Variants in UGGT2 observed in about 807,000 individuals in gnomAD.
The protein encoded by UGGT2 is UDP-glucose:glycoprotein glucosyltransferase 2.
Under a neutral mutation model 192.1 loss-of-function variants are expected in UGGT2, and 180 were observed. That is an observed-to-expected ratio of 0.94 (90% CI 0.83 to 1.06). The LOEUF (loss-of-function observed/expected upper bound fraction) is 1.06. Ranked by LOEUF, UGGT2 falls within the 50% of genes least tolerant of loss-of-function variation. The pLI, the probability that UGGT2 is intolerant of heterozygous loss-of-function variation, is 0.00. For missense variants in UGGT2, 1,849 were observed against 1,795.7 expected, an observed-to-expected ratio of 1.03 and a Z score of -0.54; for synonymous variants, 580 against 591.0, an observed-to-expected ratio of 0.98 and a Z score of 0.27.
rs1229400170 is a variant in UGGT2 at position 95,948,010 on chromosome 13, G to A, written c.1527C>T (p.His509=). The change falls in exon 14 of 39, where the codon CAC becomes CAT. Residue 509 remains histidine, a synonymous_variant. Transcript: ENST00000376747. ...FIKLADVFYS[H]EVPLRIGFVF... is the part of the protein sequence containing the mutation. ...ATGACAATTACCTAAGAGGAACTTC[G>A]TGAGAATAGAAAACATCAGCAAGTT... 5.0e-6 allele frequency: 8 copies of A among 1,612,302 alleles called. No individual in the cohort carries two copies. Among genetic ancestry groups the A allele is most frequent in the South Asian group, 2.2e-5 (2 of 90,982 alleles).
At chr13:96,013,002 T>C (rs989535762) in intron 5 of UGGT2, among the ~76,000 whole-genome samples, 1 of 152,056 alleles carries the variant, frequency 6.6e-6, no homozygotes, top group South Asian at 2.1e-4. Context: ...ATTAGTATGT[T>C]GAGTAAATCA....
intron 5 of UGGT2, among the ~76,000 whole-genome samples, chr13:96,003,929 T>C (rs556462431): frequency 1.1e-4 from 16 of 152,332 alleles, no homozygotes; most frequent in African/African-American, 3.4e-4. Context: ...TAAATGTGCA[T>C]GGAGGAAAGA....
At chr13:95,877,562 C>T (rs1891825870) in intron 28 of UGGT2, 136 bp downstream of exon 28, 2 of 1,112,660 alleles carry the variant, frequency 1.8e-6, no homozygotes, top group South Asian at 2.0e-5. Context: ...TTTTATTTAT[C>T]TTATTCAAAG....
intron 29 of UGGT2, among the ~76,000 whole-genome samples, chr13:95,868,970 G>C (rs1053360488): frequency 4.0e-5 from 6 of 151,620 alleles, no homozygotes; most frequent in Admixed American, 2.6e-4. Context: ...GTGCCATGTT[G>C]GTGTGCTGCA....
intron 10 of UGGT2, chr13:95,983,490 GC>G: frequency 4.5e-6 from 2 of 443,790 alleles, no homozygotes; most frequent in South Asian, 3.5e-5. Flanking sequence ...GTCTTCACAA[GC>G]TTTTAAGCAA....
At chr13:95,894,755 A>T (rs1594254997) in intron 23 of UGGT2, 98 bp from the exon 24 acceptor site, 1 of 999,956 alleles carries the variant, frequency 1.0e-6, no homozygotes, top group East Asian at 2.5e-5. Flanking sequence ...ATATCTGAAC[A>T]TGGTTAAATC....
chr13:96,026,438 G>A (rs1427502371), intron 2 of UGGT2, among the ~76,000 whole-genome samples: 3 of 151,858 alleles, frequency 2.0e-5, no homozygotes, highest in African/African-American at 7.3e-5. Context: ...GTTTAATTTG[G>A]TGCCTCTTAT....
chr13:95,840,929 C>T (rs1887793425), intron 36 of UGGT2, among the ~76,000 whole-genome samples: 1 of 152,060 alleles, frequency 6.6e-6, no homozygotes, highest in African/African-American at 2.4e-5. Flanking sequence ...AAACCATCAT[C>T]CTCAACAAAT....
chr13:95,949,806 C>T (rs1566744629), intron 12 of UGGT2, among the ~76,000 whole-genome samples: 1 of 152,066 alleles, frequency 6.6e-6, no homozygotes, highest in Non-Finnish European at 1.5e-5. Flanking sequence ...CTCCACCTCC[C>T]CTCTCAATTT....
chr13:96,021,646 C>T (rs1327421775), intron 4 of UGGT2, among the ~76,000 whole-genome samples: 1 of 152,126 alleles, frequency 6.6e-6, no homozygotes, highest in Non-Finnish European at 1.5e-5. Flanking sequence ...GATAATCCCA[C>T]ACCATTAATA....
chr13:96,046,893 A>C (rs560970307), intron 1 of UGGT2, among the ~76,000 whole-genome samples: 2 of 152,288 alleles, frequency 1.3e-5, no homozygotes, highest in East Asian at 3.9e-4. Context: ...TCTGAGATCC[A>C]ACCGCAAGGC....
chr13:95,879,912 T>G (rs2047445065), intron 27 of UGGT2, among the ~76,000 whole-genome samples: 1 of 152,200 alleles, frequency 6.6e-6, no homozygotes, highest in Non-Finnish European at 1.5e-5. Flanking sequence ...TTTATTATAC[T>G]TTAAATTCTG....
intron 26 of UGGT2, among the ~76,000 whole-genome samples, chr13:95,884,885 TA>T (rs779180994): frequency 3.9e-5 from 6 of 152,202 alleles, no homozygotes; most frequent in Non-Finnish European, 8.8e-5. Flanking sequence ...CTATGTATAT[TA>T]TCTACCATTG....
chr13:95,958,866 A>G (rs962216264), intron 12 of UGGT2, among the ~76,000 whole-genome samples: 1 of 152,208 alleles, frequency 6.6e-6, no homozygotes, highest in African/African-American at 2.4e-5. Context: ...AGAGACCCTC[A>G]GCAGTCCACG....
intron 36 of UGGT2, among the ~76,000 whole-genome samples, chr13:95,852,214 T>G (rs531910082): frequency 6.6e-6 from 1 of 152,314 alleles, no homozygotes; most frequent in Non-Finnish European, 1.5e-5. Flanking sequence ...CTGTTAACTC[T>G]TTTCCTTCAT....
chr13:96,024,400 A>C (rs1016084033), intron 2 of UGGT2, among the ~76,000 whole-genome samples: 1 of 152,214 alleles, frequency 6.6e-6, no homozygotes. Context: ...GGAGACAGAG[A>C]TCACTTGAAT....
chr13:95,860,790 TA>T lies in UGGT2; in HGVS notation c.3737del (p.Leu1246Ter). 1.3e-6 allele frequency: 2 copies of T among 1,508,550 alleles called. No homozygotes were observed. The highest frequency in any genetic ancestry group is 1.4e-5 in the African/African-American group (1 of 70,616). The allele number at this position is 1,508,550 out of a possible 1,614,324, so 93.4% of individuals were successfully genotyped here. A position where few individuals can be genotyped will look rare whatever the true frequency, so the allele number is the denominator to read the frequency against. On this transcript the variant is annotated frameshift_variant, in exon 32 of 39. Transcript: ENST00000376747. LOFTEE classifies it high-confidence loss of function. ...ATAAGGTTAAAAAATATACCTACCTTAAAAAACGTTCATATAAATGACCAGA... is the reference window on the plus strand; with the variant it reads ...ATAAGGTTAAAAAATATACCTACCTTAAAAACGTTCATATAAATGACCAGA... ...VASGHLYERF[L>X]RIMMLSVLRN...
At position 95,900,864 on chromosome 13, in the gene UGGT2, GAAC is replaced by G. The variant is rs755882429; in HGVS notation, c.2574_2576del (p.Leu858del). Reference sequence around the variant, plus strand: ...GACGTAATTTAAGTACATCTTGACAGAACAACTGGTGAGTTCGAAAAATATTCA... The same window carrying G: ...GACGTAATTTAAGTACATCTTGACAGAACTGGTGAGTTCGAAAAATATTCA... On this transcript the variant is annotated inframe_deletion, in exon 22 of 39. Transcript: ENST00000376747. 2 of 1,611,530 alleles carry G rather than the reference GAAC, an allele frequency of 1.2e-6. No individual in the cohort carries two copies. Among genetic ancestry groups the G allele is most frequent in the Non-Finnish European group, 1.7e-6 (2 of 1,179,012 alleles).
At chr13:95,948,619 AGAT>A (rs2049958923) in intron 13 of UGGT2, among the ~76,000 whole-genome samples, 1 of 152,224 alleles carries the variant, frequency 6.6e-6, no homozygotes, top group Non-Finnish European at 1.5e-5. Flanking sequence ...TTATATGCAT[AGAT>A]GATAAAGTGG....
Sources: gnomAD v4.1 joint callset for allele counts (sites outside exome capture counted in the v4.1 genomes callset) on GRCh38, gnomAD v4.1.1 for gene constraint, MANE v1.5 for transcripts, NCBI Gene and HGNC (gene_info 2026-07-23, HGNC 2026-07-21) for gene names.